The following ACCSL variants were observed in gnomAD, a reference collection of about 807,000 sequenced individuals.
ACCSL encodes the protein probable inactive 1-aminocyclopropane-1-carboxylate synthase-like protein 2.
Under a neutral mutation model 61.7 loss-of-function variants are expected in ACCSL, and 55 were observed. That is an observed-to-expected ratio of 0.89 (90% CI 0.72 to 1.12). ACCSL has a LOEUF of 1.12. Among genes scored for constraint, ACCSL ranks in the 50% most tolerant of loss-of-function variants. ACCSL has a pLI of 0.00. For missense variants in ACCSL, 632 were observed against 698.0 expected, an observed-to-expected ratio of 0.91 and a Z score of 1.07; for synonymous variants, 258 against 264.3, an observed-to-expected ratio of 0.98 and a Z score of 0.23.
At chr11:44,014,483 CAGAGAGAGAGAGAGAG>C in the ACCSL span, among the ~76,000 whole-genome samples, 321 of 129,012 alleles carry the variant, frequency 2.5e-3, 1 homozygote, top group African/African-American at 6.7e-3. Context: ...GAGAGATAGC[CAGAGAGAGAGAGAGAG>C]AGAGAGAGAG....
chr11:44,055,565 A>G (rs866186351), intron 9 of ACCSL, among the ~76,000 whole-genome samples: 2 of 152,378 alleles, frequency 1.3e-5, no homozygotes, highest in Middle Eastern at 3.4e-3. Flanking sequence ...GAGATTCTTG[A>G]TAAGTAGAGC....
the ACCSL span, among the ~76,000 whole-genome samples, chr11:43,955,613 G>T: frequency 6.6e-6 from 1 of 152,110 alleles, no homozygotes; most frequent in Admixed American, 6.5e-5. Context: ...GGACTGGTGG[G>T]TGGGGTTCAG....
rs148721026 is a variant in ACCSL, at chr11:44,055,202, G to A, written c.1050G>A (p.Arg350=). ...TCTCCTTCTTTCATCTAATCTACAGGTATAACCTACATGTGATCATAGATG... is the reference window on the plus strand; with the variant it reads ...TCTCCTTCTTTCATCTAATCTACAGATATAACCTACATGTGATCATAGATG... ...SLMKYLEFAK[R]YNLHVIIDEI... Residue 350 remains arginine, a splice_region_variant and synonymous_variant, in exon 9 of 14, where the codon AGG becomes AGA. Transcript: ENST00000378832. 78 of 1,599,498 alleles carry A rather than the reference G, an allele frequency of 4.9e-5. No individual in the cohort carries two copies. In the East Asian group the frequency reaches 7.6e-4, roughly 16 times the overall value.
chr11:44,035,936 T>TAAAAAAAAAAAAAAAAAA, the ACCSL span, among the ~76,000 whole-genome samples: 4 of 79,082 alleles, frequency 5.1e-5, no homozygotes, highest in Admixed American at 3.1e-4. Context: ...AGACTCTGTG[T>TAAAAAAAAAAAAAAAAAA]AAAAAAAAAA....
chr11:43,925,272 GTAGTCCCTATCAAATGCT>G, the ACCSL span: 1 of 429,386 alleles, frequency 2.3e-6, no homozygotes, highest in African/African-American at 2.0e-5. Context: ...CTACTTGAGA[GTAGTCCCTATCAAATGCT>G]TAGGCCAGTG....
At chr11:43,942,891 A>T in the ACCSL span, 461 of 1,328,614 alleles carry the variant, frequency 3.5e-4, no homozygotes, top group Non-Finnish European at 4.0e-4. Context: ...GGCCCCGCAG[A>T]CGCCGGAGGC....
chr11:43,978,143 C>T, the ACCSL span, among the ~76,000 whole-genome samples: 7 of 151,402 alleles, frequency 4.6e-5, no homozygotes, highest in African/African-American at 1.2e-4. Flanking sequence ...CTGAGTAACT[C>T]GGATTACAGT....
At chr11:44,020,656 G>A in the ACCSL span, among the ~76,000 whole-genome samples, 1 of 151,680 alleles carries the variant, frequency 6.6e-6, no homozygotes, top group African/African-American at 2.4e-5. Context: ...ATAGTTTTTG[G>A]GGGAACAGGT....
At chr11:43,957,717 G>C in the ACCSL span, among the ~76,000 whole-genome samples, 1 of 152,182 alleles carries the variant, frequency 6.6e-6, no homozygotes, top group Non-Finnish European at 1.5e-5. Context: ...AGTCAGGTTG[G>C]AATTTGGTAT....
chr11:43,986,138 A>G, the ACCSL span, among the ~76,000 whole-genome samples: 10 of 152,056 alleles, frequency 6.6e-5, no homozygotes, highest in African/African-American at 1.4e-4. Context: ...TCTCACAGCC[A>G]TCAATTCCTT....
chr11:44,026,654 A>T, the ACCSL span, among the ~76,000 whole-genome samples: 3 of 152,198 alleles, frequency 2.0e-5, no homozygotes, highest in Non-Finnish European at 4.4e-5. Context: ...ATAATGTGGC[A>T]ACTCTGAAAA....
At position 44,056,189 on chromosome 11, in the gene ACCSL, T is replaced by C. The variant is rs746374338; in HGVS notation, c.1190T>C (p.Phe397Ser). The change falls in exon 11 of 14, where the codon TTT becomes TCT. Residue 397 changes from phenylalanine to serine, a missense_variant. Physicochemically the swap from Phe to Ser is radical, Grantham distance 155. Transcript: ENST00000378832. ...TTCCTGCTTTTCTTCCTCTAGGATT[T>C]TGGCATCTCTGGCTTCCGCTTTGGT... The part of the protein sequence containing the change: ...THVIWGTSKD[F>S]GISGFRFGAL... 10 of 1,614,194 alleles carry C rather than the reference T, an allele frequency of 6.2e-6. No homozygotes were observed. The Admixed American group carries it at 6.7e-5, about 11-fold the overall frequency.
the ACCSL span, among the ~76,000 whole-genome samples, chr11:44,019,860 C>T: frequency 6.6e-6 from 1 of 152,158 alleles, no homozygotes; most frequent in Admixed American, 6.5e-5. Context: ...CTATGTTTTT[C>T]TCTAAGAGCT....
chr11:43,979,338 GA>G, the ACCSL span, among the ~76,000 whole-genome samples: 11 of 151,210 alleles, frequency 7.3e-5, no homozygotes, highest in Admixed American at 4.6e-4. Context: ...TCTCAAAAAA[GA>G]AAAAAACAAA....
chr11:43,966,705 A>C, the ACCSL span, among the ~76,000 whole-genome samples: 2 of 152,140 alleles, frequency 1.3e-5, no homozygotes, highest in Non-Finnish European at 2.9e-5. Context: ...TTTGGTATTG[A>C]ATATTGCTGG....
chr11:43,941,645 C>T, the ACCSL span, among the ~76,000 whole-genome samples: 1 of 152,204 alleles, frequency 6.6e-6, no homozygotes, highest in Non-Finnish European at 1.5e-5. Flanking sequence ...GGTACTCACC[C>T]TCAGCAGGGG....
At chr11:43,961,564 A>T in the ACCSL span, among the ~76,000 whole-genome samples, 5 of 152,144 alleles carry the variant, frequency 3.3e-5, no homozygotes, top group Admixed American at 6.5e-5. Context: ...GGTGTGGTTC[A>T]GCTGCTACCA....
rs192212822 is a variant in ACCSL at position 44,050,243 on chromosome 11, T to C, written c.564+122T>C. The C allele has an allele frequency of 2.0e-5, 17 of 847,674 alleles. No individual in the cohort carries two copies. In the East Asian group the frequency reaches 4.2e-4, roughly 21 times the overall value. 52.5% of individuals were successfully genotyped at this position (847,674 alleles called of 1,614,324 possible). A position where few individuals can be genotyped will look rare whatever the true frequency, so the allele number is the denominator to read the frequency against. Reference sequence around the variant, plus strand: ...GAGCCTGGGAAGAGGAGTGAAGAAATAGCTTCTAGAATAGCACATTTAACC... The same window carrying C: ...GAGCCTGGGAAGAGGAGTGAAGAAACAGCTTCTAGAATAGCACATTTAACC... On this transcript the variant is annotated intron_variant, in intron 2 of 13. Coordinates refer to ENST00000378832, the MANE Select transcript of ACCSL (RefSeq NM_001031854.2).
chr11:43,941,607 T>C, the ACCSL span, among the ~76,000 whole-genome samples: 2 of 152,184 alleles, frequency 1.3e-5, no homozygotes, highest in Non-Finnish European at 1.5e-5. Flanking sequence ...CTTAGAGACC[T>C]TGGGAACACT....
Sources: allele counts gnomAD v4.1 joint callset (sites outside exome capture counted in the v4.1 genomes callset), GRCh38; gene constraint gnomAD v4.1.1; transcripts MANE v1.5; gene names NCBI Gene and HGNC (gene_info 2026-07-23, HGNC 2026-07-21).